Variants in FSTL4 observed in about 807,000 individuals in gnomAD.
FSTL4 encodes follistatin-related protein 4.
In FSTL4, 28 loss-of-function variants were observed where a neutral mutation model predicts 78.2. The ratio of observed to expected loss-of-function variants is 0.36; its 90% CI spans 0.27 to 0.49. The LOEUF (loss-of-function observed/expected upper bound fraction) is 0.49, where lower values mean the gene tolerates loss of function less well. Among genes scored for constraint, FSTL4 ranks in the 20% least tolerant of loss-of-function variants. The probability of loss-of-function intolerance (pLI) is 0.98; values close to 1 mark genes in which losing one functional copy is unlikely to be tolerated. For missense variants in FSTL4, 922 were observed against 1,084.9 expected (o/e 0.85, Z 2.11); for synonymous variants, 422 against 440.5 (o/e 0.96, Z 0.53).
chr5:133,249,455 C>G lies in FSTL4; in HGVS notation c.849G>C (p.Lys283Asn), dbSNP rs1241097265. 16 of 1,613,930 alleles carry G rather than the reference C, an allele frequency of 9.9e-6. No homozygotes were observed. Among genetic ancestry groups the G allele is most frequent in the Non-Finnish European group, 1.4e-5 (16 of 1,179,924 alleles). The change falls in exon 7 of 16, where the codon AAG becomes AAC. Residue 283 changes from lysine (K) to asparagine (N), a missense_variant. Physicochemically the swap from Lys to Asn is moderately conservative, Grantham distance 94. Transcript: ENST00000265342. ...HGDLRPPIIWKRNGLTLNFLD... is the reference protein window; with the variant it reads ...HGDLRPPIIWNRNGLTLNFLD... ...GGAAGTTCAGGGTGAGCCCGTTGCG[C>G]TTCCAGATGATTGGTGGCCTCAGGT...
the FSTL4 span, among the ~76,000 whole-genome samples, chr5:133,814,747 G>A: frequency 5.3e-5 from 8 of 152,308 alleles, no homozygotes; most frequent in Admixed American, 2.6e-4. Context: ...GGTGGCCACC[G>A]TCAGTGTCAT....
chr5:133,607,703 A>G (rs1761005392), intron 1 of FSTL4, among the ~76,000 whole-genome samples: 1 of 152,184 alleles, frequency 6.6e-6, no homozygotes, highest in Admixed American at 6.5e-5. Context: ...AGACAGTAAG[A>G]TAGGAGGCCC....
In FSTL4 at chr5:133,400,796, A is replaced by G; in HGVS notation, c.351T>C (p.Ala117=). The G allele has an allele frequency of 6.2e-7, 1 of 1,614,126 alleles. No individual in the cohort carries two copies. Residue 117 remains alanine (A), a synonymous_variant, in exon 4 of 16, where the codon GCT becomes GCC. Transcript: ENST00000265342. ...TGATCCTCTTTCCCAGGAGGCAAGC[A>G]GCACGGTGGAGCTTACAGTGGTTTT... is the stretch of plus-strand genomic sequence containing the variant. The part of the protein sequence containing the change: ...FYENHCKLHR[A]ACLLGKRITV...
At chr5:133,582,333 A>G (rs1211061919) in intron 2 of FSTL4, among the ~76,000 whole-genome samples, 1 of 152,168 alleles carries the variant, frequency 6.6e-6, no homozygotes, top group African/African-American at 2.4e-5. Flanking sequence ...AACCTCCAGG[A>G]GCTTCAGTTT....
the FSTL4 span, among the ~76,000 whole-genome samples, chr5:133,700,784 G>T: frequency 1.3e-5 from 2 of 152,224 alleles, no homozygotes; most frequent in African/African-American, 2.4e-5. Flanking sequence ...ACCTCACTGG[G>T]CTTTCTAAGG....
chr5:133,376,313 G>A (rs999475954), intron 4 of FSTL4, among the ~76,000 whole-genome samples: 1 of 150,018 alleles, frequency 6.7e-6, no homozygotes, highest in African/African-American at 2.5e-5. Flanking sequence ...TAGATCTCTG[G>A]GGGAACAGAT....
intron 4 of FSTL4, among the ~76,000 whole-genome samples, chr5:133,378,890 A>G (rs1755504180): frequency 6.6e-6 from 1 of 152,162 alleles, no homozygotes; most frequent in African/African-American, 2.4e-5. Context: ...TAAGAAGCAA[A>G]GTAAAATTTC....
intron 4 of FSTL4, among the ~76,000 whole-genome samples, chr5:133,367,322 A>G (rs567796791): frequency 6.6e-5 from 10 of 152,358 alleles, no homozygotes; most frequent in Non-Finnish European, 1.2e-4. Flanking sequence ...TTAGCACCAC[A>G]AAAATGTGTG....
intron 3 of FSTL4, among the ~76,000 whole-genome samples, chr5:133,436,498 C>T (rs1034574321): frequency 2.6e-5 from 4 of 152,050 alleles, no homozygotes; most frequent in Non-Finnish European, 4.4e-5. Context: ...CTTTTGGATC[C>T]TGCTGAGAAT....
chr5:133,523,148 C>T (rs1269385813), intron 3 of FSTL4, among the ~76,000 whole-genome samples: 1 of 152,204 alleles, frequency 6.6e-6, no homozygotes, highest in Admixed American at 6.5e-5. Flanking sequence ...CGCCAGCCGT[C>T]TCTCTCCCGG....
chr5:133,765,418 G>A, the FSTL4 span, among the ~76,000 whole-genome samples: 103 of 152,338 alleles, frequency 6.8e-4, 1 homozygote, highest in South Asian at 0.016. Context: ...ACCCACCATG[G>A]AGGACAGAAC....
chr5:133,657,393 T>C, the FSTL4 span, among the ~76,000 whole-genome samples: 1 of 152,208 alleles, frequency 6.6e-6, no homozygotes, highest in Non-Finnish European at 1.5e-5. Context: ...AGCATCCAAG[T>C]GACCATGTTA....
intron 4 of FSTL4, among the ~76,000 whole-genome samples, chr5:133,349,626 T>G (rs1472731954): frequency 8.6e-5 from 12 of 140,198 alleles, no homozygotes; most frequent in Admixed American, 1.5e-4. Flanking sequence ...TTGTTTGTCA[T>G]GCTGCCATGT....
At chr5:133,642,699 A>G in the FSTL4 span, among the ~76,000 whole-genome samples, 1 of 152,224 alleles carries the variant, frequency 6.6e-6, no homozygotes, top group African/African-American at 2.4e-5. Context: ...CTCTGTCTGC[A>G]CAGCAGGACA....
intron 4 of FSTL4, among the ~76,000 whole-genome samples, chr5:133,384,807 C>G (rs975720664): frequency 6.6e-6 from 1 of 152,198 alleles, no homozygotes; most frequent in African/African-American, 2.4e-5. Flanking sequence ...CCAGGTCTGG[C>G]CCCAGCTTGG....
At chr5:133,219,002 C>T (rs984163173) in intron 12 of FSTL4, among the ~76,000 whole-genome samples, 3 of 152,148 alleles carry the variant, frequency 2.0e-5, no homozygotes, top group Non-Finnish European at 4.4e-5. Context: ...TAAAAGGGGA[C>T]CTTCTTTTCC....
chr5:133,555,359 G>A (rs1759766107), intron 3 of FSTL4, among the ~76,000 whole-genome samples: 1 of 152,224 alleles, frequency 6.6e-6, no homozygotes, highest in African/African-American at 2.4e-5. Context: ...GCCTTGGTGG[G>A]AGTAATACAG....
the FSTL4 span, among the ~76,000 whole-genome samples, chr5:133,701,450 T>A: frequency 7.8e-6 from 1 of 127,902 alleles, no homozygotes; most frequent in Non-Finnish European, 1.6e-5. Flanking sequence ...GGTGAGAACC[T>A]AGTCAGAAAG....
At chr5:133,815,669 T>C in the FSTL4 span, among the ~76,000 whole-genome samples, 5 of 152,160 alleles carry the variant, frequency 3.3e-5, no homozygotes, top group Admixed American at 2.0e-4. Context: ...AGCAGAATAT[T>C]AGGGGTACGG....
Sources: gnomAD v4.1 joint callset for allele counts (sites outside exome capture counted in the v4.1 genomes callset) on GRCh38, gnomAD v4.1.1 for gene constraint, MANE v1.5 for transcripts, NCBI Gene and HGNC (gene_info 2026-07-23, HGNC 2026-07-21) for gene names.